The following TMEM273 variants were observed in gnomAD, a reference collection of about 807,000 sequenced individuals.
The protein encoded by TMEM273 is chromosome 10 open reading frame 128.
A neutral mutation model predicts 17.9 loss-of-function variants in TMEM273; 19 were observed. That is an observed-to-expected ratio of 1.06 (90% CI 0.74 to 1.55). The LOEUF is 1.55. TMEM273 is among the 40% of genes most tolerant of loss of function. The pLI is 0.00. For missense variants in TMEM273, 194 were observed against 155.6 expected (o/e 1.25, Z -1.31); for synonymous variants, 66 against 62.0 (o/e 1.07, Z -0.31).
At chr10:49,161,458 C>CA (rs1845835564) in intron 6 of TMEM273, 141 bp downstream of exon 6, 3 of 998,466 alleles carry the variant, frequency 3.0e-6, no homozygotes, top group Non-Finnish European at 4.7e-6. Flanking sequence ...GCTGTCCTGG[C>CA]ATGAGGGCTC....
intron 3 of TMEM273, 39 bp downstream of exon 3, chr10:49,166,829 TG>T: frequency 6.2e-7 from 1 of 1,611,040 alleles, no homozygotes. Flanking sequence ...GGTGCCTCGC[TG>T]GGTGGGGCAG....
At position 49,154,904 on chromosome 10, in the gene TMEM273, G is replaced by GAACAA. The variant is rs1564613740; in HGVS notation, c.*987_*988insTTGTT. 1 of 152,208 alleles carries GAACAA rather than the reference G, an allele frequency of 6.6e-6. No homozygotes were observed. The highest frequency in any genetic ancestry group is 2.1e-4 in the South Asian group (1 of 4,830). The allele number at this position is 152,208 out of a possible 1,614,324, so 9.4% of individuals were successfully genotyped here. A position where few individuals can be genotyped will look rare whatever the true frequency, so the allele number is the denominator to read the frequency against. ...GCAAATCATGACAACACAGCACTTT[G>GAACAA]TTCTGAAATATAGCTCATCTTTCAT... On this transcript the variant is annotated 3_prime_UTR_variant, in exon 7 of 7. Transcript: ENST00000374153.
intron 1 of TMEM273, among the ~76,000 whole-genome samples, chr10:49,183,893 A>G (rs1483926910): frequency 6.6e-6 from 1 of 152,144 alleles, no homozygotes; most frequent in East Asian, 1.9e-4. Context: ...TCTAGCAACA[A>G]CAGTGACAAG....
intron 1 of TMEM273, among the ~76,000 whole-genome samples, chr10:49,177,513 G>C (rs72789092): frequency 6.6e-6 from 1 of 152,204 alleles, no homozygotes; most frequent in African/African-American, 2.4e-5. Context: ...CCAGTGTCAG[G>C]ACAAGGGCCT....
At chr10:49,176,584 T>C (rs1192063008) in intron 1 of TMEM273, among the ~76,000 whole-genome samples, 1 of 152,234 alleles carries the variant, frequency 6.6e-6, no homozygotes, top group Non-Finnish European at 1.5e-5. Context: ...GGGTTATTAT[T>C]ATTCATGCAA....
intron 4 of TMEM273, 147 bp from the exon 5 acceptor site, chr10:49,165,430 A>C: frequency 1.3e-6 from 2 of 1,497,690 alleles, no homozygotes; most frequent in Non-Finnish European, 1.8e-6. Context: ...ACCACGTGTG[A>C]CCTCCCAAGT....
intron 1 of TMEM273, chr10:49,178,217 G>A (rs1239732583): frequency 4.4e-6 from 2 of 457,124 alleles, no homozygotes; most frequent in Admixed American, 2.3e-5. Context: ...CACAACCCCT[G>A]TAGTCCATGC....
chr10:49,157,210 C>G (rs1400369117), intron 6 of TMEM273, among the ~76,000 whole-genome samples: 1 of 152,224 alleles, frequency 6.6e-6, no homozygotes, highest in African/African-American at 2.4e-5. Context: ...AGAAGGGGCA[C>G]TGCTGAGCTA....
chr10:49,165,087 C>T (rs1200071299), intron 5 of TMEM273, 118 bp downstream of exon 5: 1 of 1,375,604 alleles, frequency 7.3e-7, no homozygotes, highest in Non-Finnish European at 9.5e-7. Context: ...GAAAAAAACC[C>T]ATGCAAAATA....
At chr10:49,165,344 T>G in intron 4 of TMEM273, 61 bp from the exon 5 acceptor site, 2 of 1,550,122 alleles carry the variant, frequency 1.3e-6, no homozygotes, top group Non-Finnish European at 1.7e-6. Context: ...GGCAGGACCG[T>G]CCCTGAGGAC....
chr10:49,183,475 A>G (rs1847478348), intron 1 of TMEM273, among the ~76,000 whole-genome samples: 1 of 152,176 alleles, frequency 6.6e-6, no homozygotes, highest in South Asian at 2.1e-4. Flanking sequence ...TACTATTTTT[A>G]TTCTTATACT....
chr10:49,168,009 TGG>T (rs746332559), intron 1 of TMEM273, 47 bp from the exon 2 acceptor site: 1 of 1,609,796 alleles, frequency 6.2e-7, no homozygotes, highest in East Asian at 2.2e-5. Context: ...GAGCTGGCTG[TGG>T]TCCCAGCTAC....
intron 4 of TMEM273, 36 bp downstream of exon 4, chr10:49,165,730 G>A (rs370592323): frequency 3.0e-5 from 48 of 1,613,378 alleles, no homozygotes; most frequent in East Asian, 2.2e-4. Context: ...GAGAGAACAC[G>A]ATACCTCTCC....
intron 2 of TMEM273, among the ~76,000 whole-genome samples, chr10:49,167,482 G>C (rs1281770136): frequency 6.6e-6 from 1 of 152,268 alleles, no homozygotes; most frequent in Admixed American, 6.5e-5. Context: ...GGTTGGCCTA[G>C]AGTCATGGGC....
At chr10:49,185,536 C>T (rs1308135021) in intron 1 of TMEM273, among the ~76,000 whole-genome samples, 1 of 152,184 alleles carries the variant, frequency 6.6e-6, no homozygotes, top group Non-Finnish European at 1.5e-5. Context: ...AAAGGGGAAG[C>T]CCAACGTTTC....
At chr10:49,183,796 G>A (rs1393162975) in intron 1 of TMEM273, among the ~76,000 whole-genome samples, 3 of 152,284 alleles carry the variant, frequency 2.0e-5, no homozygotes, top group Non-Finnish European at 2.9e-5. Flanking sequence ...CTTGGCCCAC[G>A]GTCGGCTCTC....
At chr10:49,180,493 A>C (rs1847277442) in intron 1 of TMEM273, among the ~76,000 whole-genome samples, 1 of 152,182 alleles carries the variant, frequency 6.6e-6, no homozygotes, top group Non-Finnish European at 1.5e-5. Context: ...AGCAATTATG[A>C]GGAAATGCCC....
intron 6 of TMEM273, 174 bp from the exon 7 acceptor site, chr10:49,156,083 C>T: frequency 6.5e-7 from 1 of 1,543,562 alleles, no homozygotes; most frequent in Admixed American, 2.0e-5. Flanking sequence ...CCAGTGGCTT[C>T]TGGGTAAAGG....
intron 5 of TMEM273, among the ~76,000 whole-genome samples, 155 bp downstream of exon 5, chr10:49,165,050 C>A (rs1286407393): frequency 6.6e-6 from 1 of 152,154 alleles, no homozygotes; most frequent in Non-Finnish European, 1.5e-5. Flanking sequence ...AAAAGGAAGA[C>A]CCTACCCGCC....
Sources: gnomAD v4.1 joint callset for allele counts (sites outside exome capture counted in the v4.1 genomes callset) on GRCh38, gnomAD v4.1.1 for gene constraint, MANE v1.5 for transcripts, NCBI Gene and HGNC (gene_info 2026-07-23, HGNC 2026-07-21) for gene names.